Variants in CAMK1 observed in about 807,000 individuals in gnomAD.
The protein encoded by CAMK1 is calcium/calmodulin-dependent protein kinase type 1.
A neutral mutation model predicts 49.1 loss-of-function variants in CAMK1; 39 were observed. The ratio of observed to expected loss-of-function variants is 0.79; its 90% CI spans 0.62 to 1.04. CAMK1 has a LOEUF of 1.04. CAMK1 is among the 50% of genes least tolerant of loss of function. The probability of loss-of-function intolerance (pLI) is 0.00; values close to 1 mark genes in which losing one functional copy is unlikely to be tolerated. For missense variants in CAMK1, 457 were observed against 472.2 expected (o/e 0.97, Z 0.30); for synonymous variants, 192 against 185.2 (o/e 1.04, Z -0.30).
At chr3:9,759,881 C>G in intron 8 of CAMK1, 131 bp from the exon 9 acceptor site, 1 of 1,488,688 alleles carries the variant, frequency 6.7e-7, no homozygotes, top group South Asian at 1.2e-5. Flanking sequence ...ATGCCCCACC[C>G]CACCCAACCT....
intron 7 of CAMK1, chr3:9,760,999 C>T: frequency 1.9e-6 from 1 of 530,222 alleles, no homozygotes; most frequent in East Asian, 3.6e-5. Flanking sequence ...ATTGCTTCTG[C>T]CTATGCCACT....
rs764630090 is a variant in CAMK1, at chr3:9,761,614, C to T, written c.556+17G>A. On this transcript the variant is annotated intron_variant, in intron 6 of 11. Coordinates refer to ENST00000256460, the MANE Select transcript of CAMK1 (RefSeq NM_003656.5). Reference sequence around the variant, plus strand: ...GTTCCCCCCACCATCACAGCCCCAGCCCAGGGCCCTCCGCACCCACGTATC... The same window carrying T: ...GTTCCCCCCACCATCACAGCCCCAGTCCAGGGCCCTCCGCACCCACGTATC... 1.9e-6 allele frequency: 3 copies of T among 1,614,116 alleles called. No homozygotes were observed. Among genetic ancestry groups the T allele is most frequent in the East Asian group, 2.2e-5 (1 of 44,880 alleles).
intron 2 of CAMK1, 149 bp downstream of exon 2, chr3:9,767,518 G>A: frequency 1.1e-6 from 1 of 929,382 alleles, no homozygotes; most frequent in East Asian, 2.7e-5. Flanking sequence ...TCATCCAGAA[G>A]TGAAAAGCTG....
chr3:9,760,616 A>T, intron 8 of CAMK1, 40 bp downstream of exon 8: 1 of 1,609,016 alleles, frequency 6.2e-7, no homozygotes, highest in Non-Finnish European at 8.5e-7. Flanking sequence ...GGGAGGAACC[A>T]GAGGCAGGGC....
chr3:9,758,122 T>C (rs557269793), intron 10 of CAMK1: 2 of 338,962 alleles, frequency 5.9e-6, no homozygotes, highest in Admixed American at 4.4e-5. Flanking sequence ...ACTATAGCAC[T>C]GTATGTCAGG....
intron 3 of CAMK1, among the ~76,000 whole-genome samples, chr3:9,765,519 A>C (rs888319430): frequency 1.3e-5 from 2 of 152,198 alleles, no homozygotes; most frequent in African/African-American, 2.4e-5. Context: ...TGAACAGTTA[A>C]ACCCCTGTGA....
At chr3:9,759,920 T>C (rs569758650) in intron 8 of CAMK1, 170 bp from the exon 9 acceptor site, 62 of 1,024,930 alleles carry the variant, frequency 6.0e-5, no homozygotes, top group Non-Finnish European at 7.9e-5. Context: ...TCCCACCCCG[T>C]GCCTTCCAGC....
rs552997112 is a variant in CAMK1, at chr3:9,768,915, A to T, written c.-33+917T>A. ...GAAAGGAGACTCGAGTGTAAGCTCT[A>T]GAGGCAGAGTCTGAAACCCACATGG... On this transcript the variant is annotated intron_variant, in intron 1 of 11. Coordinates refer to ENST00000256460, the MANE Select transcript of CAMK1 (RefSeq NM_003656.5). 2.6e-5 allele frequency among the ~76,000 whole-genome samples: 4 copies of T among 152,174 alleles called. No homozygotes were observed. The South Asian group carries it at 8.3e-4, about 32-fold the overall frequency.
At chr3:9,763,609 G>C (rs553122750) in intron 3 of CAMK1, among the ~76,000 whole-genome samples, 5 of 152,010 alleles carry the variant, frequency 3.3e-5, no homozygotes, top group Non-Finnish European at 5.9e-5. Flanking sequence ...ACAGACCTGG[G>C]TCCAAATCCT....
At chr3:9,767,034 TCTCTC>T (rs1224111286) in intron 2 of CAMK1, among the ~76,000 whole-genome samples, 1 of 152,108 alleles carries the variant, frequency 6.6e-6, no homozygotes, top group Non-Finnish European at 1.5e-5. Flanking sequence ...ACACTCTACC[TCTCTC>T]CACATAGAAC....
chr3:9,757,780 C>T lies in CAMK1; in HGVS notation c.979G>A (p.Gly327Arg). ...CCATGGCTCGCCGTCTGCCCCTGCC[C>T]CTCCTGGCTGGTGCCCAGCTGCAGT... is the stretch of plus-strand genomic sequence containing the variant. ...RKLQLGTSQE[G>R]QGQTASHGEL... Residue 327 changes from glycine to arginine, a missense_variant, in exon 11 of 12, where the codon GGG becomes AGG. Gly to Arg is a moderately radical substitution (Grantham distance 125). Transcript: ENST00000256460. The surrounding 1 kb of genome is among the most constrained non-coding windows in gnomAD (Gnocchi z 4.5). 2.5e-6 allele frequency: 4 copies of T among 1,614,128 alleles called. No individual in the cohort carries two copies. The highest frequency in any genetic ancestry group is 3.4e-6 in the Non-Finnish European group (4 of 1,179,980).
At chr3:9,759,868 T>G in intron 8 of CAMK1, 118 bp from the exon 9 acceptor site, 1 of 1,563,804 alleles carries the variant, frequency 6.4e-7, no homozygotes, top group Non-Finnish European at 8.7e-7. Flanking sequence ...GCCAAATCAG[T>G]CCATGCCCCA....
intron 10 of CAMK1, chr3:9,759,002 G>A: frequency 1.6e-6 from 1 of 627,200 alleles, no homozygotes; most frequent in South Asian, 1.8e-5. Context: ...TCAGGATCAA[G>A]TTGGTGCTCC....
chr3:9,759,156 T>C, intron 10 of CAMK1: 10 of 1,526,532 alleles, frequency 6.6e-6, no homozygotes, highest in Non-Finnish European at 9.1e-6. Flanking sequence ...ATTATTCCGC[T>C]ATGCCTCACT....
chr3:9,768,358 C>A (rs1185040039), intron 1 of CAMK1, among the ~76,000 whole-genome samples: 1 of 152,256 alleles, frequency 6.6e-6, no homozygotes, highest in African/African-American at 2.4e-5. Flanking sequence ...AGACCTCTCC[C>A]TCCTGACTCC....
intron 5 of CAMK1, 177 bp from the exon 6 acceptor site, chr3:9,761,934 C>A: frequency 1.1e-6 from 1 of 881,186 alleles, no homozygotes; most frequent in Non-Finnish European, 1.7e-6. Flanking sequence ...CCAGGAAGGA[C>A]AAGGCTCAAG....
Position 9,763,645 on chromosome 3 carries a change from G to C in CAMK1, c.216-432C>G, listed in dbSNP as rs138432711. On this transcript the variant is annotated intron_variant, in intron 3 of 11. Coordinates refer to ENST00000256460, the MANE Select transcript of CAMK1 (RefSeq NM_003656.5). Reference sequence around the variant, plus strand: ...GCCCGTCACATGCTATTTGGGTGCAGATCTTTTCACCAGTGAGCCACTGCA... The same window carrying C: ...GCCCGTCACATGCTATTTGGGTGCACATCTTTTCACCAGTGAGCCACTGCA... Among the ~76,000 whole-genome samples the C allele has an allele frequency of 3.9e-5, 6 of 152,262 alleles. No individual in the cohort carries two copies. The East Asian group carries it at 1.2e-3, about 29-fold the overall frequency.
intron 1 of CAMK1, among the ~76,000 whole-genome samples, chr3:9,768,280 A>T (rs1245735903): frequency 6.6e-6 from 1 of 152,116 alleles, no homozygotes; most frequent in African/African-American, 2.4e-5. Flanking sequence ...GCAACATCTC[A>T]GCCACATTTT....
At chr3:9,767,941 A>G (rs1402723033) in intron 1 of CAMK1, 160 bp from the exon 2 acceptor site, 3 of 768,544 alleles carry the variant, frequency 3.9e-6, no homozygotes, top group Admixed American at 6.2e-5. Context: ...TTCAACATTC[A>G]GCAAATTCTC....
Sources: allele counts gnomAD v4.1 joint callset (sites outside exome capture counted in the v4.1 genomes callset), GRCh38; gene constraint gnomAD v4.1.1; non-coding constraint Gnocchi (gnomAD v3.1); transcripts MANE v1.5; gene names NCBI Gene and HGNC (gene_info 2026-07-23, HGNC 2026-07-21).